Variants in CEP192 observed in about 807,000 individuals in gnomAD.
CEP192 encodes centrosomal protein 192.
In CEP192, 151 loss-of-function variants were observed where a neutral mutation model predicts 271.8. The ratio of observed to expected loss-of-function variants is 0.56; its 90% CI spans 0.49 to 0.64. The LOEUF is 0.64. Among genes scored for constraint, CEP192 ranks in the 30% least tolerant of loss-of-function variants. The pLI is 0.00. For synonymous variants in CEP192, 995 were observed against 1,076.5 expected, an observed-to-expected ratio of 0.92 and a Z score of 1.48; for missense variants, 2,910 against 3,020.5, an observed-to-expected ratio of 0.96 and a Z score of 0.86.
At chr18:13,051,308 C>G (rs994831786) in intron 17 of CEP192, among the ~76,000 whole-genome samples, 1 of 152,052 alleles carries the variant, frequency 6.6e-6, no homozygotes, top group Admixed American at 6.6e-5. Context: ...ACTAATACAA[C>G]ACATCATCCA....
At chr18:13,039,226 G>A (rs1478542168) in intron 13 of CEP192, among the ~76,000 whole-genome samples, 2 of 152,052 alleles carry the variant, frequency 1.3e-5, no homozygotes, top group Non-Finnish European at 2.9e-5. Context: ...AGGCTGAGGT[G>A]GGCGGATCAC....
In CEP192 at chr18:13,092,448, G is replaced by A; in HGVS notation, c.6175G>A (p.Val2059Ile). The change falls in exon 34 of 45, where the codon GTA (valine) becomes ATA (isoleucine). Residue 2059 changes from valine (V) to isoleucine (I), a missense_variant. Physicochemically the swap from Val to Ile is conservative, Grantham distance 29 (BLOSUM62 3). Transcript: ENST00000506447. The part of the protein sequence containing the change: ...YGSMCKIILS[V>I]IGEFRDCISS... ...AAGCATGTGTAAAATTATACTTTCA[G>A]TAATTGGAGAATTCAGAGATTGCAT... is the stretch of plus-strand genomic sequence containing the variant. 2 of 1,606,702 alleles carry A rather than the reference G, an allele frequency of 1.2e-6. No homozygotes were observed. Among genetic ancestry groups the A allele is most frequent in the Non-Finnish European group, 1.7e-6 (2 of 1,174,488 alleles).
At chr18:13,112,607 G>A (rs1347254690) in intron 40 of CEP192, among the ~76,000 whole-genome samples, 2 of 152,156 alleles carry the variant, frequency 1.3e-5, no homozygotes, top group African/African-American at 4.8e-5. Flanking sequence ...GTCCCCAGTG[G>A]TGGTTTTTAC....
chr18:13,049,663 G>A lies in CEP192; in HGVS notation c.2872G>A (p.Val958Ile), dbSNP rs1672954328. 1 of 1,609,986 alleles carries A rather than the reference G, an allele frequency of 6.2e-7. No individual in the cohort carries two copies. The highest frequency in any genetic ancestry group is 8.5e-7 in the Non-Finnish European group (1 of 1,177,950). ...KHVTFENHRIVSPKNSDLKNT... is the reference protein window; with the variant it reads ...KHVTFENHRIISPKNSDLKNT... ...TGTGACTTTTGAAAACCATCGCATA[G>A]TCTCACCTAAAAATAGTGGTAAGTG... is the stretch of plus-strand genomic sequence containing the variant. The change falls in exon 16 of 45, where the codon GTC (valine) becomes ATC (isoleucine). Residue 958 changes from valine (V) to isoleucine (I), a missense_variant. Transcript: ENST00000506447.
At chr18:13,092,609 C>A in intron 34 of CEP192, 82 bp downstream of exon 34, 1 of 958,438 alleles carries the variant, frequency 1.0e-6, no homozygotes, top group Non-Finnish European at 1.6e-6. Flanking sequence ...TCCTGTACTT[C>A]ACTATTATTA....
chr18:13,116,086 C>G (rs2040416197), intron 42 of CEP192, among the ~76,000 whole-genome samples: 2 of 152,106 alleles, frequency 1.3e-5, no homozygotes. Context: ...CGTGACGGGG[C>G]CAAGCGAAAT....
chr18:13,015,564 C>T (rs965944097), intron 6 of CEP192, 116 bp downstream of exon 6: 4 of 915,128 alleles, frequency 4.4e-6, no homozygotes, highest in Admixed American at 2.7e-5. Context: ...ACCTTTTCTT[C>T]CTACCTGCCA....
At chr18:13,018,992 A>G (rs544770876) in intron 8 of CEP192, 90 bp from the exon 9 acceptor site, 1 of 1,276,740 alleles carries the variant, frequency 7.8e-7, no homozygotes, top group Non-Finnish European at 1.1e-6. Context: ...TTAGGGTTAC[A>G]TAAAATAATT....
At chr18:13,022,628 G>A (rs1006016391) in intron 9 of CEP192, among the ~76,000 whole-genome samples, 10 of 152,106 alleles carry the variant, frequency 6.6e-5, no homozygotes, top group African/African-American at 2.2e-4. Flanking sequence ...CGATCCACCC[G>A]CCTCTGCCTC....
intron 13 of CEP192, among the ~76,000 whole-genome samples, chr18:13,040,268 T>G (rs2036133898): frequency 6.6e-6 from 1 of 152,212 alleles, no homozygotes; most frequent in Admixed American, 6.5e-5. Flanking sequence ...AATTAATAAA[T>G]TAATCACTTG....
chr18:13,025,673 A>G (rs1274662518), intron 9 of CEP192, among the ~76,000 whole-genome samples: 1 of 152,210 alleles, frequency 6.6e-6, no homozygotes, highest in Non-Finnish European at 1.5e-5. Flanking sequence ...ATAACATTAC[A>G]CTGCTTAACA....
chr18:13,019,113 G>GTAGAAGA lies in CEP192; in HGVS notation c.959_960insGAAGATA (p.Tyr320Ter). On this transcript the variant is annotated stop_gained and frameshift_variant, in exon 9 of 45. Transcript: ENST00000506447. LOFTEE classifies it high-confidence loss of function. ...CTATAGGTACTGGAGATAGTAGAAG[G>GTAGAAGA]TACACAGATGGTATGTTACCATTTT... 1.3e-6 allele frequency: 2 copies of GTAGAAGA among 1,542,388 alleles called. No individual in the cohort carries two copies. Among genetic ancestry groups the GTAGAAGA allele is most frequent in the Non-Finnish European group, 1.7e-6 (2 of 1,143,530 alleles).
At chr18:13,032,389 G>A (rs1398325593) in intron 11 of CEP192, among the ~76,000 whole-genome samples, 1 of 152,138 alleles carries the variant, frequency 6.6e-6, no homozygotes, top group Non-Finnish European at 1.5e-5. Context: ...TGAGGCAGAA[G>A]TAGTCATTAG....
chr18:13,069,593 T>C (rs565548365), intron 26 of CEP192, 145 bp from the exon 27 acceptor site: 305 of 645,506 alleles, frequency 4.7e-4, no homozygotes, highest in Non-Finnish European at 6.5e-4. Context: ...TCCAAGAGAA[T>C]AGGACAAGTT....
chr18:13,105,401 G>A (rs1013283832), intron 40 of CEP192, among the ~76,000 whole-genome samples: 5 of 152,154 alleles, frequency 3.3e-5, no homozygotes, highest in Admixed American at 1.3e-4. Context: ...AAAACAGCTC[G>A]GTATTTGTGG....
chr18:13,018,665 T>G (rs1168330284), intron 8 of CEP192, 50 bp downstream of exon 8: 5 of 1,290,358 alleles, frequency 3.9e-6, no homozygotes, highest in Non-Finnish European at 5.2e-6. Context: ...GTTTTGACTT[T>G]ACTTTTTTTA....
chr18:13,099,374 T>C, intron 36 of CEP192, 102 bp from the exon 37 acceptor site: 1 of 626,280 alleles, frequency 1.6e-6, no homozygotes, highest in Non-Finnish European at 2.7e-6. Context: ...TCCTGAGCAG[T>C]GAGGAAATGG....
At position 13,056,254 on chromosome 18, in the gene CEP192, G is replaced by A. The variant is rs2037092307; in HGVS notation, c.3664G>A (p.Glu1222Lys). The change falls in exon 19 of 45, where the codon GAA becomes AAA. Residue 1222 changes from glutamate to lysine, a missense_variant. Physicochemically the swap from Glu to Lys is moderately conservative, Grantham distance 56 (BLOSUM62 1). Coordinates refer to ENST00000506447, the MANE Select transcript of CEP192 (RefSeq NM_032142.4). ...CCAGGTTTCTCATCAGACCACCTCT[G>A]AAAACCAGTGTACTCCTATTCCCAG... is the stretch of plus-strand genomic sequence containing the variant. ...SGQVSHQTTSENQCTPIPSST... is the reference protein window; with the variant it reads ...SGQVSHQTTSKNQCTPIPSST... 1 of 1,613,684 alleles carries A rather than the reference G, an allele frequency of 6.2e-7. No homozygotes were observed. Among genetic ancestry groups the A allele is most frequent in the Admixed American group, 1.7e-5 (1 of 59,996 alleles).
At chr18:13,035,916 G>A (rs1471964457) in intron 11 of CEP192, among the ~76,000 whole-genome samples, 1 of 152,178 alleles carries the variant, frequency 6.6e-6, no homozygotes, top group Non-Finnish European at 1.5e-5. Context: ...AAGCCAAGGT[G>A]AGTGAATTGC....
Sources: allele counts gnomAD v4.1 joint callset (sites outside exome capture counted in the v4.1 genomes callset), GRCh38; gene constraint gnomAD v4.1.1; transcripts MANE v1.5; gene names NCBI Gene and HGNC (gene_info 2026-07-23, HGNC 2026-07-21).